Variants in POLL observed in about 807,000 individuals in gnomAD.
The protein encoded by POLL is DNA polymerase beta-2.
POLL carries 44 observed loss-of-function variants against 58.1 expected under a neutral mutation model. That is an observed-to-expected ratio of 0.76 (90% CI 0.60 to 0.97). The LOEUF (loss-of-function observed/expected upper bound fraction) is 0.97. Among genes scored for constraint, POLL ranks in the 50% least tolerant of loss-of-function variants. The pLI, the probability that POLL is intolerant of heterozygous loss-of-function variation, is 0.00. For missense variants in POLL, 632 were observed against 736.8 expected, an observed-to-expected ratio of 0.86 and a Z score of 1.65; for synonymous variants, 290 against 283.2, an observed-to-expected ratio of 1.02 and a Z score of -0.24.
Position 101,582,490 on chromosome 10 carries a change from A to G in POLL, c.1194+273T>C, listed in dbSNP as rs550276084. ...TAACATTAACCCAATCCTAACACCAATCAGTCTAGAATTGAATCCAATCCT... is the reference window on the plus strand; with the variant it reads ...TAACATTAACCCAATCCTAACACCAGTCAGTCTAGAATTGAATCCAATCCT... On this transcript the variant is annotated intron_variant, in intron 7 of 8. Coordinates refer to ENST00000370162, the MANE Select transcript of POLL (RefSeq NM_001174084.2). Among the ~76,000 whole-genome samples, 11 of 152,306 alleles carry G rather than the reference A, an allele frequency of 7.2e-5. No homozygotes were observed. The East Asian group carries it at 2.1e-3, about 29-fold the overall frequency.
intron 7 of POLL, 38 bp downstream of exon 7, chr10:101,582,725 G>C: frequency 1.5e-5 from 24 of 1,605,370 alleles, no homozygotes; most frequent in Non-Finnish European, 2.0e-5. Context: ...CTTACAGCAG[G>C]ACCTGGCTGT....
chr10:101,585,060 C>A, intron 4 of POLL, 141 bp from the exon 5 acceptor site: 1 of 669,052 alleles, frequency 1.5e-6, no homozygotes, highest in Non-Finnish European at 2.3e-6. Flanking sequence ...CTGCATCAGA[C>A]TTGGATCTCC....
rs1254577369 is a variant in POLL, at chr10:101,583,494, A to G, written c.1065+14T>C. ...CACAGCAAAACTGAAGTAGGGGCTG[A>G]GCCAGGGTGTGACCTGTTGGTACCA... On this transcript the variant is annotated intron_variant, in intron 6 of 8. Transcript: ENST00000370162. 6.2e-7 allele frequency: 1 copy of G among 1,611,978 alleles called. No homozygotes were observed. The highest frequency in any genetic ancestry group is 8.5e-7 in the Non-Finnish European group (1 of 1,179,782).
rs1254181051 is a variant in POLL, at chr10:101,579,669, G to C, written c.1512C>G (p.Leu504=). The C allele has an allele frequency of 1.9e-6, 3 of 1,613,946 alleles. No homozygotes were observed. The highest frequency in any genetic ancestry group is 1.7e-5 in the Admixed American group (1 of 60,020). The change falls in exon 9 of 9, where the codon CTC becomes CTG. Residue 504 remains leucine (L), a synonymous_variant. Transcript: ENST00000370162. This position sits in a 1 kb window ranked among gnomAD's most constrained non-coding sequence, Gnocchi z 4.4. ...TGAAGTGTGCAGAGCCGGTGAAGTA[G>C]AGCAGGGCACAGGCAAACTCGCTAT... The part of the protein sequence containing the change: ...VPYSEFACAL[L]YFTGSAHFNR...
intron 4 of POLL, 85 bp from the exon 5 acceptor site, chr10:101,585,004 C>T (rs995060783): frequency 2.4e-5 from 21 of 886,170 alleles, no homozygotes; most frequent in African/African-American, 1.7e-4. Context: ...CTTCTTTGTG[C>T]GGGGGGAGGG....
In POLL at chr10:101,580,365, C is replaced by T. The variant is rs1489119194; in HGVS notation, c.1246G>A (p.Gly416Ser). The change falls in exon 8 of 9, where the codon GGT becomes AGT. Residue 416 changes from glycine (G) to serine (S), a missense_variant. Transcript: ENST00000370162. This position sits in a 1 kb window ranked among gnomAD's most constrained non-coding sequence, Gnocchi z 4.1. Reference protein sequence around the residue: ...FNSGLLCVACGSYRRGKATCG... With the variant: ...FNSGLLCVACSSYRRGKATCG... ...GTCGCCTTTCCCCGTCGGTATGAAC[C>T]ACATGCCACACACAGCAGCCCAGAG... 6.2e-7 allele frequency: 1 copy of T among 1,613,960 alleles called. No individual in the cohort carries two copies.
chr10:101,587,385 A>G lies in POLL; in HGVS notation c.-25T>C, dbSNP rs575981501. ...TTGAAGTATGGCTGGATCCCGGCCTATTGGAGCGTTGGTCAGGGCTGCTGC... is the reference window on the plus strand; with the variant it reads ...TTGAAGTATGGCTGGATCCCGGCCTGTTGGAGCGTTGGTCAGGGCTGCTGC... On this transcript the variant is annotated 5_prime_UTR_variant, in exon 2 of 9. Coordinates refer to ENST00000370162, the MANE Select transcript of POLL (RefSeq NM_001174084.2). The G allele has an allele frequency of 6.8e-6, 11 of 1,607,742 alleles. No homozygotes were observed. The highest frequency in any genetic ancestry group is 2.3e-5 in the East Asian group (1 of 44,436).
chr10:101,579,229 C>T lies in POLL; in HGVS notation c.*224G>A. On this transcript the variant is annotated 3_prime_UTR_variant, in exon 9 of 9. Transcript: ENST00000370162. This position sits in a 1 kb window ranked among gnomAD's most constrained non-coding sequence, Gnocchi z 4.4. ...GGCAGTGGTGAGGTAGAAGGGGTGG[C>T]AGCCTGCTCCTGTCTGGGAGAGGGC... 1.7e-6 allele frequency: 1 copy of T among 571,702 alleles called. No individual in the cohort carries two copies. 35.4% of individuals were successfully genotyped at this position (571,702 alleles called of 1,614,324 possible). A position where few individuals can be genotyped will look rare whatever the true frequency, so the allele number is the denominator to read the frequency against.
intron 4 of POLL, 125 bp downstream of exon 4, chr10:101,585,191 T>C (rs1349511721): frequency 2.6e-6 from 2 of 773,038 alleles, no homozygotes; most frequent in South Asian, 2.2e-5. Context: ...AAGAGCTAAA[T>C]GGCTTCACAA....
In POLL at chr10:101,588,068, A is replaced by AG. The variant is rs1215939513; in HGVS notation, c.-294dup. 2 of 1,461,194 alleles carry AG rather than the reference A, an allele frequency of 1.4e-6. No homozygotes were observed. Among genetic ancestry groups the AG allele is most frequent in the Non-Finnish European group, 1.8e-6 (2 of 1,099,698 alleles). 90.5% of individuals were successfully genotyped at this position (1,461,194 alleles called of 1,614,324 possible). A position where few individuals can be genotyped will look rare whatever the true frequency, so the allele number is the denominator to read the frequency against. On this transcript the variant is annotated 5_prime_UTR_variant, in exon 1 of 9. Coordinates refer to ENST00000370162, the MANE Select transcript of POLL (RefSeq NM_001174084.2). Reference sequence around the variant, plus strand: ...CAGCTGGCGCAGGCCAGGGAATCCCAGCTCGGGGCTAGAAGAAAGCTGGAG... The same window carrying AG: ...CAGCTGGCGCAGGCCAGGGAATCCCAGGCTCGGGGCTAGAAGAAAGCTGGAG...
At chr10:101,587,613 G>T in intron 1 of POLL, 2 of 1,076,964 alleles carry the variant, frequency 1.9e-6, no homozygotes, top group Non-Finnish European at 2.5e-6. Flanking sequence ...GGAAATGAGG[G>T]GAAGGCTGGT....
intron 2 of POLL, among the ~76,000 whole-genome samples, chr10:101,586,814 C>G (rs2063377514): frequency 6.6e-6 from 1 of 152,120 alleles, no homozygotes; most frequent in African/African-American, 2.4e-5. Flanking sequence ...ACTTTGAATC[C>G]TTTATCATTT....
At chr10:101,586,329 T>C (rs1411729921) in intron 2 of POLL, among the ~76,000 whole-genome samples, 173 bp from the exon 3 acceptor site, 1 of 152,206 alleles carries the variant, frequency 6.6e-6, no homozygotes, top group Non-Finnish European at 1.5e-5. Flanking sequence ...TATAGCAAAT[T>C]TTCTCACAGG....
intron 4 of POLL, 60 bp downstream of exon 4, chr10:101,585,254 ACC>A: frequency 7.1e-7 from 1 of 1,415,258 alleles, no homozygotes; most frequent in Non-Finnish European, 9.5e-7. Flanking sequence ...CACCAGGCCC[ACC>A]CCATTTCTGT....
Position 101,580,018 on chromosome 10 carries a change from G to T in POLL, c.1364-201C>A. The T allele has an allele frequency of 1.4e-6, 1 of 706,166 alleles. No individual in the cohort carries two copies. Among genetic ancestry groups the T allele is most frequent in the Non-Finnish European group, 2.3e-6 (1 of 432,410 alleles). The allele number at this position is 706,166 out of a possible 1,614,324, so 43.7% of individuals were successfully genotyped here. On this transcript the variant is annotated intron_variant, in intron 8 of 8. Transcript: ENST00000370162. The surrounding 1 kb of genome is among the most constrained non-coding windows in gnomAD (Gnocchi z 4.1). ...CCATAGTGTCACAGAAAGATCAGAT[G>T]AGATACTTGGCCTGCAGGGTTCACT...
At chr10:101,587,091 C>T (rs1263090380) in intron 2 of POLL, 155 bp downstream of exon 2, 1 of 1,560,088 alleles carries the variant, frequency 6.4e-7, no homozygotes, top group Middle Eastern at 1.7e-4. Context: ...GACCCAGGAC[C>T]AAGCTTAGCA....
At chr10:101,587,515 G>T in intron 1 of POLL, 109 bp from the exon 2 acceptor site, 1 of 1,497,010 alleles carries the variant, frequency 6.7e-7, no homozygotes. Context: ...GAAGCGGGTC[G>T]GGGGAGGGGG....
chr10:101,579,322 T>C lies in POLL; in HGVS notation c.*131A>G, dbSNP rs1333464827. On this transcript the variant is annotated 3_prime_UTR_variant, in exon 9 of 9. Transcript: ENST00000370162. This position sits in a 1 kb window ranked among gnomAD's most constrained non-coding sequence, Gnocchi z 4.4. ...GGCTCTTGCTTCAGGCCCAGAGCCC[T>C]GGGCCCTGCTCGCTGAGGAAGCTGG... The C allele has an allele frequency of 2.7e-6, 3 of 1,108,784 alleles. No individual in the cohort carries two copies. The highest frequency in any genetic ancestry group is 2.4e-5 in the Admixed American group (1 of 40,894). The allele number at this position is 1,108,784 out of a possible 1,614,324, so 68.7% of individuals were successfully genotyped here.
In POLL at chr10:101,580,524, A is replaced by T; in HGVS notation, c.1195-108T>A. 1.1e-6 allele frequency: 1 copy of T among 936,984 alleles called. No individual in the cohort carries two copies. Among genetic ancestry groups the T allele is most frequent in the Non-Finnish European group, 1.6e-6 (1 of 618,520 alleles). 58.0% of individuals were successfully genotyped at this position (936,984 alleles called of 1,614,324 possible). A position where few individuals can be genotyped will look rare whatever the true frequency, so the allele number is the denominator to read the frequency against. On this transcript the variant is annotated intron_variant, in intron 7 of 8. Coordinates refer to ENST00000370162, the MANE Select transcript of POLL (RefSeq NM_001174084.2). The surrounding 1 kb of genome is among the most constrained non-coding windows in gnomAD (Gnocchi z 4.1). Reference sequence around the variant, plus strand: ...GGGCCCACACCCTCAGCTTATGCCCATTCCAGATGCCTGCTGCAAGCCCAG... The same window carrying T: ...GGGCCCACACCCTCAGCTTATGCCCTTTCCAGATGCCTGCTGCAAGCCCAG...
Sources: gnomAD v4.1 joint callset for allele counts (sites outside exome capture counted in the v4.1 genomes callset) on GRCh38, gnomAD v4.1.1 for gene constraint, Gnocchi (gnomAD v3.1) non-coding constraint, MANE v1.5 for transcripts, NCBI Gene and HGNC (gene_info 2026-07-23, HGNC 2026-07-21) for gene names.